The following ATRNL1 variants were observed in gnomAD, a reference collection of about 807,000 sequenced individuals.
ATRNL1 encodes the protein attractin-like protein 1.
Under a neutral mutation model 182.7 loss-of-function variants are expected in ATRNL1, and 95 were observed. The ratio of observed to expected loss-of-function variants is 0.52; its 90% CI spans 0.44 to 0.62. The LOEUF is 0.62. ATRNL1 is among the 20% of genes least tolerant of loss of function. The pLI is 0.00. For synonymous variants in ATRNL1, 576 were observed against 568.3 expected, an observed-to-expected ratio of 1.01 and a Z score of -0.19; for missense variants, 1,471 against 1,679.5, an observed-to-expected ratio of 0.88 and a Z score of 2.17.
intron 21 of ATRNL1, among the ~76,000 whole-genome samples, chr10:115,460,848 G>T (rs78002814): frequency 6.6e-6 from 1 of 151,796 alleles, no homozygotes; most frequent in Admixed American, 6.6e-5. Context: ...TTTTTTTATT[G>T]TATCTCTAGG....
Position 115,170,964 on chromosome 10 carries a change from C to A in ATRNL1, c.1093-73C>A. ...TTACTAAAATTTTATGTAAATTTAA[C>A]CTTTATTTTTAATTAATATGTGTTA... On this transcript the variant is annotated intron_variant, in intron 7 of 28. Coordinates refer to ENST00000355044, the MANE Select transcript of ATRNL1 (RefSeq NM_207303.4). The A allele has an allele frequency of 4.4e-6, 4 of 918,052 alleles. No individual in the cohort carries two copies. The South Asian group carries it at 1.2e-4, about 28-fold the overall frequency. 56.9% of individuals were successfully genotyped at this position (918,052 alleles called of 1,614,324 possible).
At chr10:115,784,367 A>G (rs1949344955) in intron 27 of ATRNL1, among the ~76,000 whole-genome samples, 1 of 152,218 alleles carries the variant, frequency 6.6e-6, no homozygotes, top group Non-Finnish European at 1.5e-5. Flanking sequence ...AAACATGATA[A>G]TTCCCATGAT....
intron 26 of ATRNL1, among the ~76,000 whole-genome samples, chr10:115,671,894 C>G (rs782665986): frequency 3.3e-5 from 5 of 151,946 alleles, no homozygotes; most frequent in African/African-American, 7.2e-5. Flanking sequence ...ATGATATTAT[C>G]TTGAGACTGC....
intron 19 of ATRNL1, among the ~76,000 whole-genome samples, chr10:115,374,093 G>A (rs1270419874): frequency 8.6e-5 from 13 of 151,376 alleles, no homozygotes; most frequent in African/African-American, 3.2e-4. Context: ...ATTCAGTTTT[G>A]GTAGATTGTA....
At chr10:115,132,773 G>A (rs1845313690) in intron 5 of ATRNL1, among the ~76,000 whole-genome samples, 1 of 152,046 alleles carries the variant, frequency 6.6e-6, no homozygotes, top group Non-Finnish European at 1.5e-5. Context: ...CTTTTTGATG[G>A]GGTTGTTTGA....
intron 7 of ATRNL1, 127 bp downstream of exon 7, chr10:115,165,772 T>G: frequency 2.3e-6 from 1 of 426,952 alleles, no homozygotes; most frequent in East Asian, 3.5e-5. Flanking sequence ...TGGATCATGA[T>G]AACTTGAGAT....
At chr10:115,921,312 G>T (rs905176093) in intron 28 of ATRNL1, among the ~76,000 whole-genome samples, 1 of 102,834 alleles carries the variant, frequency 9.7e-6, no homozygotes, top group Non-Finnish European at 2.3e-5. Flanking sequence ...ATGGATATAG[G>T]TTGTATTTAA....
At chr10:115,872,738 T>C (rs1951614155) in intron 28 of ATRNL1, among the ~76,000 whole-genome samples, 1 of 152,226 alleles carries the variant, frequency 6.6e-6, no homozygotes, top group African/African-American at 2.4e-5. Flanking sequence ...GGAGATACTG[T>C]TATATCCTGA....
chr10:115,225,771 T>C (rs1471746217), intron 9 of ATRNL1, among the ~76,000 whole-genome samples: 1 of 151,388 alleles, frequency 6.6e-6, no homozygotes, highest in Admixed American at 6.6e-5. Flanking sequence ...AAAAACTCAA[T>C]ATTATGCAGA....
intron 27 of ATRNL1, among the ~76,000 whole-genome samples, chr10:115,743,251 A>AAAAAT (rs1324482343): frequency 1.3e-5 from 2 of 150,996 alleles, no homozygotes; most frequent in Non-Finnish European, 3.0e-5. Context: ...AAAAAAAAAA[A>AAAAAT]AAAATACAAC....
At chr10:115,871,784 C>G (rs1450584541) in intron 28 of ATRNL1, among the ~76,000 whole-genome samples, 1 of 152,002 alleles carries the variant, frequency 6.6e-6, no homozygotes, top group Non-Finnish European at 1.5e-5. Context: ...CTAAACTAAA[C>G]AATATAAATC....
At chr10:115,247,771 A>C (rs374264799) in intron 10 of ATRNL1, among the ~76,000 whole-genome samples, 3 of 152,192 alleles carry the variant, frequency 2.0e-5, no homozygotes, top group African/African-American at 7.2e-5. Context: ...GGAACCACCT[A>C]GGTTTCCAAC....
chr10:115,841,722 C>T (rs1555097207), intron 27 of ATRNL1, among the ~76,000 whole-genome samples: 3 of 152,014 alleles, frequency 2.0e-5, no homozygotes, highest in African/African-American at 7.2e-5. Context: ...TCTCCTTTAT[C>T]ATTTCATGCA....
At chr10:115,450,689 G>A (rs1380137821) in intron 21 of ATRNL1, among the ~76,000 whole-genome samples, 1 of 152,134 alleles carries the variant, frequency 6.6e-6, no homozygotes, top group Non-Finnish European at 1.5e-5. Flanking sequence ...CATTAAAATT[G>A]CTATACTGCC....
intron 24 of ATRNL1, among the ~76,000 whole-genome samples, chr10:115,518,134 T>C (rs782388512): frequency 1.3e-5 from 2 of 151,934 alleles, no homozygotes; most frequent in Admixed American, 6.6e-5. Context: ...TTAAATTCCT[T>C]AGTGTTCTTT....
chr10:115,531,384 G>A (rs1372115688), intron 25 of ATRNL1, among the ~76,000 whole-genome samples: 4 of 152,042 alleles, frequency 2.6e-5, no homozygotes, highest in Non-Finnish European at 5.9e-5. Flanking sequence ...GCCAGTGATG[G>A]TGAGCATTTT....
intron 8 of ATRNL1, among the ~76,000 whole-genome samples, chr10:115,189,280 A>G (rs758471938): frequency 6.6e-6 from 1 of 151,506 alleles, no homozygotes; most frequent in Non-Finnish European, 1.5e-5. Flanking sequence ...ATAAACAACT[A>G]TGTTAGTGAT....
At chr10:115,136,034 G>T (rs1216073824) in intron 5 of ATRNL1, among the ~76,000 whole-genome samples, 13 of 143,056 alleles carry the variant, frequency 9.1e-5, no homozygotes, top group Non-Finnish European at 1.8e-4. Flanking sequence ...TAATTAAATT[G>T]TTTTTTTTTT....
chr10:115,281,995 G>A (rs1852382637), intron 14 of ATRNL1, among the ~76,000 whole-genome samples: 2 of 144,558 alleles, frequency 1.4e-5, no homozygotes, highest in Non-Finnish European at 3.0e-5. Context: ...ATATCCCAGG[G>A]TTTTAAAAAT....
Sources: gnomAD v4.1 joint callset for allele counts (sites outside exome capture counted in the v4.1 genomes callset) on GRCh38, gnomAD v4.1.1 for gene constraint, MANE v1.5 for transcripts, NCBI Gene and HGNC (gene_info 2026-07-23, HGNC 2026-07-21) for gene names.